IQSEC1: variants seen among roughly 807,000 people sequenced by gnomAD.
IQSEC1 encodes IQ motif and SEC7 domain-containing protein 1.
IQSEC1 carries 31 observed loss-of-function variants against 91.0 expected under a neutral mutation model. The ratio of observed to expected loss-of-function variants is 0.34; its 90% CI spans 0.26 to 0.46. The LOEUF is 0.46. Among genes scored for constraint, IQSEC1 ranks in the 20% least tolerant of loss-of-function variants. The pLI is 1.00. For missense variants in IQSEC1, 1,388 were observed against 1,575.6 expected, an observed-to-expected ratio of 0.88 and a Z score of 2.02; for synonymous variants, 699 against 662.6, an observed-to-expected ratio of 1.05 and a Z score of -0.84.
intron 2 of IQSEC1, among the ~76,000 whole-genome samples, chr3:13,090,091 A>G (rs902052651): frequency 6.1e-4 from 92 of 151,720 alleles, no homozygotes; most frequent in Admixed American, 2.3e-3. Context: ...GGTGGCGTGC[A>G]CCTGTAGTCC....
chr3:12,996,622 A>G (rs571867206), intron 1 of IQSEC1, among the ~76,000 whole-genome samples: 1 of 152,376 alleles, frequency 6.6e-6, no homozygotes, highest in Non-Finnish European at 1.5e-5. Flanking sequence ...TAAACTGAAA[A>G]AAAATGTCTG....
At chr3:13,108,543 C>A (rs910317513) in intron 2 of IQSEC1, among the ~76,000 whole-genome samples, 10 of 151,970 alleles carry the variant, frequency 6.6e-5, no homozygotes, top group Non-Finnish European at 1.3e-4. Flanking sequence ...CTCATGTTTC[C>A]TCTTGCCAAG....
At chr3:12,982,156 C>G (rs527734099) in intron 1 of IQSEC1, among the ~76,000 whole-genome samples, 263 of 152,300 alleles carry the variant, frequency 1.7e-3, no homozygotes, top group African/African-American at 5.8e-3. Flanking sequence ...CAAAATCCCC[C>G]CCATTCTCTT....
intron 1 of IQSEC1, among the ~76,000 whole-genome samples, chr3:13,051,450 T>C (rs1704686825): frequency 6.6e-6 from 1 of 152,040 alleles, no homozygotes; most frequent in Non-Finnish European, 1.5e-5. Context: ...CCCCAGGGAA[T>C]GGGCTGTGAC....
At chr3:13,245,384 A>G (rs1695091490) in intron 1 of IQSEC1, among the ~76,000 whole-genome samples, 1 of 152,192 alleles carries the variant, frequency 6.6e-6, no homozygotes, top group South Asian at 2.1e-4. Flanking sequence ...CTCCTGGCCA[A>G]AGCAAGCCAC....
rs955215145 is a variant in IQSEC1, at chr3:12,900,768, C to G, written c.*215G>C. 7.0e-7 allele frequency: 1 copy of G among 1,436,866 alleles called. No homozygotes were observed. The highest frequency in any genetic ancestry group is 9.1e-7 in the Non-Finnish European group (1 of 1,100,046). The allele number at this position is 1,436,866 out of a possible 1,614,324, so 89.0% of individuals were successfully genotyped here. A position where few individuals can be genotyped will look rare whatever the true frequency, so the allele number is the denominator to read the frequency against. On this transcript the variant is annotated 3_prime_UTR_variant, in exon 14 of 14. Transcript: ENST00000613206. ...CACCCATCCCTCAGACTGAGGTGAG[C>G]AGAGCCCAGGGTGCCAACAAGAAAT... is the stretch of plus-strand genomic sequence containing the variant.
chr3:13,053,590 A>G (rs1704772296), intron 1 of IQSEC1, among the ~76,000 whole-genome samples: 1 of 152,192 alleles, frequency 6.6e-6, no homozygotes, highest in South Asian at 2.1e-4. Context: ...GTCGGCTCAC[A>G]GCCCCAGCAG....
At chr3:12,912,670 CAAAAAAAA>C (rs561314162) in intron 9 of IQSEC1, among the ~76,000 whole-genome samples, 11 of 54,028 alleles carry the variant, frequency 2.0e-4, no homozygotes, top group African/African-American at 6.9e-4. Flanking sequence ...GACTCCGTCT[CAAAAAAAA>C]AAAAAAAAAA....
chr3:13,149,653 C>T (rs879569637), intron 2 of IQSEC1, among the ~76,000 whole-genome samples: 12 of 151,998 alleles, frequency 7.9e-5, no homozygotes, highest in Non-Finnish European at 1.3e-4. Flanking sequence ...AAGGTGTCAT[C>T]CCCGTGTGCA....
intron 2 of IQSEC1, among the ~76,000 whole-genome samples, chr3:13,112,840 G>A (rs888919251): frequency 3.9e-5 from 6 of 152,370 alleles, no homozygotes; most frequent in South Asian, 2.1e-4. Context: ...AGGCTCCCAC[G>A]AGTGGAAGCC....
intron 1 of IQSEC1, among the ~76,000 whole-genome samples, chr3:13,166,207 T>C (rs1244459357): frequency 1.3e-5 from 2 of 152,244 alleles, no homozygotes; most frequent in Non-Finnish European, 2.9e-5. Flanking sequence ...TACATGGTAA[T>C]TGATAGCTAA....
At chr3:13,197,209 G>A (rs1694145964) in intron 1 of IQSEC1, among the ~76,000 whole-genome samples, 1 of 152,226 alleles carries the variant, frequency 6.6e-6, no homozygotes, top group African/African-American at 2.4e-5. Context: ...CATGAACCAT[G>A]TCTTCCTTCA....
At chr3:13,087,752 G>T (rs1400408918) in intron 2 of IQSEC1, among the ~76,000 whole-genome samples, 10 of 152,204 alleles carry the variant, frequency 6.6e-5, no homozygotes, top group African/African-American at 2.4e-4. Flanking sequence ...TTATTGCTCA[G>T]TTCTGGAGGC....
intron 3 of IQSEC1, among the ~76,000 whole-genome samples, chr3:12,926,864 C>T: frequency 6.6e-6 from 1 of 152,196 alleles, no homozygotes; most frequent in Middle Eastern, 3.2e-3. Context: ...CACCCGTAAG[C>T]TTGTCCCCAG....
intron 1 of IQSEC1, among the ~76,000 whole-genome samples, chr3:13,240,952 T>A (rs989683025): frequency 6.6e-6 from 1 of 152,230 alleles, no homozygotes; most frequent in Non-Finnish European, 1.5e-5. Flanking sequence ...GAAGTCTTCT[T>A]CCTTCTCCTA....
intron 1 of IQSEC1, among the ~76,000 whole-genome samples, chr3:12,965,214 TC>T (rs1218396543): frequency 6.6e-6 from 1 of 152,356 alleles, no homozygotes; most frequent in Non-Finnish European, 1.5e-5. Context: ...CCACACACGC[TC>T]TTGGAAAGAA....
chr3:13,183,721 G>C (rs1559272202), intron 1 of IQSEC1, among the ~76,000 whole-genome samples: 1 of 152,154 alleles, frequency 6.6e-6, no homozygotes, highest in South Asian at 2.1e-4. Flanking sequence ...TGCAATTCTT[G>C]TGTTTTGTTT....
chr3:12,986,401 C>T (rs903793836), intron 1 of IQSEC1, among the ~76,000 whole-genome samples: 5 of 152,226 alleles, frequency 3.3e-5, no homozygotes, highest in Admixed American at 2.6e-4. Flanking sequence ...CTTGGGGTCA[C>T]ACAGGCAGAC....
intron 2 of IQSEC1, among the ~76,000 whole-genome samples, chr3:13,146,164 T>C (rs1338033199): frequency 2.0e-5 from 3 of 151,950 alleles, no homozygotes; most frequent in Non-Finnish European, 4.4e-5. Context: ...TTTTTTTTTT[T>C]TTTTAAGAAA....
Sources: gnomAD v4.1 joint callset for allele counts (sites outside exome capture counted in the v4.1 genomes callset) on GRCh38, gnomAD v4.1.1 for gene constraint, MANE v1.5 for transcripts, NCBI Gene and HGNC (gene_info 2026-07-23, HGNC 2026-07-21) for gene names.